SCAP: variants seen among roughly 807,000 people sequenced by gnomAD.
SCAP encodes SREBF chaperone.
In SCAP, 65 loss-of-function variants were observed where a neutral mutation model predicts 123.6. The ratio of observed to expected loss-of-function variants is 0.53; its 90% confidence interval spans 0.43 to 0.65. The LOEUF is 0.65. Ranked by LOEUF, SCAP falls within the 30% of genes least tolerant of loss-of-function variation. The probability of loss-of-function intolerance (pLI) is 0.00; values close to 1 mark genes in which losing one functional copy is unlikely to be tolerated. For missense variants in SCAP, 1,398 were observed against 1,712.5 expected, an observed-to-expected ratio of 0.82 and a Z score of 3.24; for synonymous variants, 740 against 726.3, an observed-to-expected ratio of 1.02 and a Z score of -0.30.
intron 1 of SCAP, among the ~76,000 whole-genome samples, chr3:47,467,617 GA>G (rs986185022): frequency 1.3e-5 from 2 of 148,444 alleles, no homozygotes; most frequent in Admixed American, 6.7e-5. Context: ...AAAAGAAAAA[GA>G]AAAAAAAACC....
At chr3:47,418,586 T>TC in intron 14 of SCAP, 64 bp from the exon 15 acceptor site, 1 of 1,525,494 alleles carries the variant, frequency 6.6e-7, no homozygotes, top group Non-Finnish European at 8.9e-7. Context: ...CTCCTCCCTC[T>TC]CCCCTACTCT....
At position 47,420,498 on chromosome 3, in the gene SCAP, G is replaced by GGCCT; in HGVS notation, c.1563+52_1563+55dup. ...TAAGGCCAAGTGCAGCACCACAAGG[G>GGCCT]GCCTGGAGCACCGGCCCTCCAGAAG... On this transcript the variant is annotated intron_variant, in intron 12 of 22. Coordinates refer to ENST00000265565, the MANE Select transcript of SCAP (RefSeq NM_012235.4). The surrounding 1 kb of genome is among the most constrained non-coding windows in gnomAD (Gnocchi z 5.0). The GGCCT allele has an allele frequency of 1.4e-6, 2 of 1,453,188 alleles. No individual in the cohort carries two copies. The highest frequency in any genetic ancestry group is 1.9e-6 in the Non-Finnish European group (2 of 1,075,296). The allele number at this position is 1,453,188 out of a possible 1,614,324, so 90.0% of individuals were successfully genotyped here.
intron 10 of SCAP, 101 bp downstream of exon 10, chr3:47,422,338 GGAT>G: frequency 1.1e-6 from 1 of 950,034 alleles, no homozygotes; most frequent in Non-Finnish European, 1.6e-6. Context: ...TCAGAAGCAA[GGAT>G]GCCTGTGCTG....
At chr3:47,460,746 T>C (rs780186831) in intron 1 of SCAP, among the ~76,000 whole-genome samples, 37 of 152,006 alleles carry the variant, frequency 2.4e-4, no homozygotes, top group African/African-American at 8.5e-4. Flanking sequence ...TTAGTAGATA[T>C]GGGGTTTCAC....
At chr3:47,443,246 A>G in intron 1 of SCAP, 155 bp from the exon 2 acceptor site, 1 of 197,224 alleles carries the variant, frequency 5.1e-6, no homozygotes, top group Non-Finnish European at 9.6e-6. Context: ...ACACACACAC[A>G]CACACACACA....
chr3:47,459,125 G>T (rs1228084969), intron 1 of SCAP, among the ~76,000 whole-genome samples: 1 of 152,164 alleles, frequency 6.6e-6, no homozygotes, highest in Non-Finnish European at 1.5e-5. Context: ...TTTAAAGCTA[G>T]AAACAACTTG....
At position 47,414,820 on chromosome 3, in the gene SCAP, T is replaced by C. The variant is rs747355793; in HGVS notation, c.3306+7A>G. 2 of 1,603,298 alleles carry C rather than the reference T, an allele frequency of 1.2e-6. No individual in the cohort carries two copies. Among genetic ancestry groups the C allele is most frequent in the Admixed American group, 1.7e-5 (1 of 59,414 alleles). On this transcript the variant is annotated splice_region_variant and intron_variant, in intron 20 of 22. Coordinates refer to ENST00000265565, the MANE Select transcript of SCAP (RefSeq NM_012235.4). ...CTCCAGCACCCAAGAGACAAGACAA[T>C]ACTCACTCTCAGTGTGTGGTCTTGG...
chr3:47,415,088 GC>G lies in SCAP; in HGVS notation c.3139+9del. ...AAGTGTGAACACCTGCCCACCCCAG[GC>G]CCTCCGACCTCTAAACTGCAGGGGG... On this transcript the variant is annotated intron_variant, in intron 19 of 22. Coordinates refer to ENST00000265565, the MANE Select transcript of SCAP (RefSeq NM_012235.4). 6.3e-7 allele frequency: 1 copy of G among 1,597,144 alleles called. No homozygotes were observed. The highest frequency in any genetic ancestry group is 8.5e-7 in the Non-Finnish European group (1 of 1,174,134).
chr3:47,440,738 T>C (rs1353699051), intron 2 of SCAP, among the ~76,000 whole-genome samples: 1 of 152,102 alleles, frequency 6.6e-6, no homozygotes, highest in Non-Finnish European at 1.5e-5. Context: ...TGCACGCCTA[T>C]AGTCCCAACT....
rs1213107315 is a variant in SCAP at position 47,417,706 on chromosome 3, G to A, written c.2568C>T (p.His856=). 6.2e-7 allele frequency: 1 copy of A among 1,608,724 alleles called. No individual in the cohort carries two copies. Among genetic ancestry groups the A allele is most frequent in the Non-Finnish European group, 8.5e-7 (1 of 1,178,870 alleles). The part of the protein sequence containing the change: ...EEPGDSPPLR[H]RPRGPPPPSL... ...AAGGCGGCGGAGGGCCCCGGGGGCG[G>A]TGTCTCAGGGGAGGGCTGTCCCCAG... Residue 856 remains histidine (H), a synonymous_variant, in exon 17 of 23, where the codon CAC becomes CAT. Transcript: ENST00000265565.
Position 47,439,573 on chromosome 3 carries a change from TC to T in SCAP, c.122+3298del, listed in dbSNP as rs1232184086. Among the ~76,000 whole-genome samples the T allele has an allele frequency of 6.6e-6, 1 of 152,168 alleles. No homozygotes were observed. Among genetic ancestry groups the T allele is most frequent in the African/African-American group, 2.4e-5 (1 of 41,452 alleles). The stretch of plus-strand genomic sequence containing the variant: ...ACATGGCATCTGGGTGCTCTTTTTA[TC>T]CCATGGCGCACCCACTGCTTACCAG... On this transcript the variant is annotated intron_variant, in intron 2 of 22. Coordinates refer to ENST00000265565, the MANE Select transcript of SCAP (RefSeq NM_012235.4). The surrounding 1 kb of genome is among the most constrained non-coding windows in gnomAD (Gnocchi z 4.0).
intron 1 of SCAP, among the ~76,000 whole-genome samples, chr3:47,453,229 T>C (rs558571920): frequency 1.7e-4 from 26 of 152,284 alleles, no homozygotes; most frequent in South Asian, 1.2e-3. Flanking sequence ...ATGGTCAGCA[T>C]GGACAGCTTC....
chr3:47,426,414 A>G (rs1432450893), intron 6 of SCAP, among the ~76,000 whole-genome samples: 1 of 150,238 alleles, frequency 6.7e-6, no homozygotes, highest in Non-Finnish European at 1.5e-5. Context: ...CTACTCCAAC[A>G]CTCTCTTTTT....
At chr3:47,458,900 G>C (rs1457313686) in intron 1 of SCAP, among the ~76,000 whole-genome samples, 2 of 152,182 alleles carry the variant, frequency 1.3e-5, no homozygotes, top group Admixed American at 6.5e-5. Context: ...CAGCCTCCTG[G>C]GTTCAAGCGA....
rs1416808504 is a variant in SCAP at position 47,475,847 on chromosome 3, G to GGGGGCGGCAGCA, written c.-159_-148dup. ...CTGCGGCGGCGGCGGCGGCGGCGAC[G>GGGGGCGGCAGCA]GGGGCGGCAGCAGGGGCGGAGCGCG... On this transcript the variant is annotated 5_prime_UTR_variant, in exon 1 of 23. Transcript: ENST00000265565. 6 of 161,030 alleles carry GGGGGCGGCAGCA rather than the reference G, an allele frequency of 3.7e-5. No individual in the cohort carries two copies. Among genetic ancestry groups the GGGGGCGGCAGCA allele is most frequent in the Non-Finnish European group, 5.3e-5 (4 of 75,030 alleles). 10.0% of individuals were successfully genotyped at this position (161,030 alleles called of 1,614,324 possible). A position where few individuals can be genotyped will look rare whatever the true frequency, so the allele number is the denominator to read the frequency against.
chr3:47,454,173 C>T (rs1358772178), intron 1 of SCAP, among the ~76,000 whole-genome samples: 4 of 151,934 alleles, frequency 2.6e-5, no homozygotes, highest in Admixed American at 2.6e-4. Flanking sequence ...TGAGACCATC[C>T]TGGCTAACAC....
chr3:47,418,857 G>C lies in SCAP; in HGVS notation c.1941-14C>G, dbSNP rs761237117. 34 of 1,510,162 alleles carry C rather than the reference G, an allele frequency of 2.3e-5. No individual in the cohort carries two copies. The highest frequency in any genetic ancestry group is 2.9e-5 in the Non-Finnish European group (33 of 1,131,986). The allele number at this position is 1,510,162 out of a possible 1,614,324, so 93.5% of individuals were successfully genotyped here. A position where few individuals can be genotyped will look rare whatever the true frequency, so the allele number is the denominator to read the frequency against. On this transcript the variant is annotated splice_polypyrimidine_tract_variant and intron_variant, in intron 13 of 22. Coordinates refer to ENST00000265565, the MANE Select transcript of SCAP (RefSeq NM_012235.4). ...AGGCTGATGTACCTGGATTCGGACA[G>C]TGGGCAGCCTCAGCGGGGGGCCTCC...
intron 18 of SCAP, 29 bp downstream of exon 18, chr3:47,417,092 AC>A (rs1705613969): frequency 6.3e-7 from 1 of 1,599,618 alleles, no homozygotes; most frequent in African/African-American, 1.3e-5. Context: ...AAGGCTGGGG[AC>A]ATCTGGGGCT....
chr3:47,418,375 G>A lies in SCAP; in HGVS notation c.2277C>T (p.Gly759=). The change falls in exon 15 of 23, where the codon GGC becomes GGT. Residue 759 remains glycine (G), a synonymous_variant. Coordinates refer to ENST00000265565, the MANE Select transcript of SCAP (RefSeq NM_012235.4). ...CGATCTCCGTCTCGGGTGGCGCATA[G>A]CCGTAGTCGTCGCAGGGCAGCTCCC... is the stretch of plus-strand genomic sequence containing the variant. ...RRGELPCDDY[G]YAPPETEIVP... 1.3e-6 allele frequency: 2 copies of A among 1,573,314 alleles called. No individual in the cohort carries two copies. The highest frequency in any genetic ancestry group is 1.7e-6 in the Non-Finnish European group (2 of 1,162,488).
Sources: gnomAD v4.1 joint callset for allele counts (sites outside exome capture counted in the v4.1 genomes callset) on GRCh38, gnomAD v4.1.1 for gene constraint, Gnocchi (gnomAD v3.1) non-coding constraint, MANE v1.5 for transcripts, NCBI Gene and HGNC (gene_info 2026-07-23, HGNC 2026-07-21) for gene names.